The following SPATA13 variants were observed in gnomAD, a reference collection of about 807,000 sequenced individuals.
SPATA13 encodes spermatogenesis-associated protein 13.
In SPATA13, 50 loss-of-function variants were observed where a neutral mutation model predicts 104.0. That is an observed-to-expected ratio of 0.48 (90% confidence interval 0.38 to 0.61). SPATA13 has a LOEUF of 0.61. SPATA13 is among the 20% of genes least tolerant of loss of function. The probability of loss-of-function intolerance (pLI) is 0.00; values close to 1 mark genes in which losing one functional copy is unlikely to be tolerated. For synonymous variants in SPATA13, 606 were observed against 667.5 expected, an observed-to-expected ratio of 0.91 and a Z score of 1.42; for missense variants, 1,524 against 1,690.6, an observed-to-expected ratio of 0.90 and a Z score of 1.73.
intron 2 of SPATA13, among the ~76,000 whole-genome samples, chr13:23,988,418 C>T (rs994142324): frequency 6.6e-6 from 1 of 152,126 alleles, no homozygotes; most frequent in Non-Finnish European, 1.5e-5. Context: ...ATTACATAAA[C>T]CAGTTCTCTG....
intron 3 of SPATA13, among the ~76,000 whole-genome samples, chr13:24,079,521 G>A (rs548694190): frequency 1.3e-5 from 2 of 152,288 alleles, no homozygotes; most frequent in East Asian, 1.9e-4. Context: ...TGCTTTCAGA[G>A]TCTTGTCTAG....
chr13:24,258,290 T>A (rs1593469353), intron 4 of SPATA13, among the ~76,000 whole-genome samples: 1 of 128,098 alleles, frequency 7.8e-6, no homozygotes, highest in South Asian at 2.4e-4. Context: ...AGAAAGCAAG[T>A]AAAAAGTGTC....
At chr13:24,302,476 A>G in intron 12 of SPATA13, 122 bp from the exon 13 acceptor site, 1 of 456,206 alleles carries the variant, frequency 2.2e-6, no homozygotes, top group South Asian at 3.4e-5. Context: ...AAAAAAAAAA[A>G]AAAAAAAAAA....
In SPATA13 at chr13:24,017,721, C is replaced by G. The variant is rs148271271; in HGVS notation, c.-112+20C>G. 721 of 984,982 alleles carry G rather than the reference C, an allele frequency of 7.3e-4. 7 individuals are homozygous for G. The African/African-American group carries it at 0.012, about 16-fold the overall frequency. The allele number at this position is 984,982 out of a possible 1,614,324, so 61.0% of individuals were successfully genotyped here. A position where few individuals can be genotyped will look rare whatever the true frequency, so the allele number is the denominator to read the frequency against. ...AACTCGGTAAGAAGGGCCTCGAGTCCGTTCTTCCCTCTCCTTCCTCCTTCT... is the reference window on the plus strand; with the variant it reads ...AACTCGGTAAGAAGGGCCTCGAGTCGGTTCTTCCCTCTCCTTCCTCCTTCT... On this transcript the variant is annotated intron_variant, in intron 3 of 14. Transcript: ENST00000424834.
chr13:24,174,751 A>AT (rs1230167735), intron 1 of SPATA13, among the ~76,000 whole-genome samples: 1 of 151,774 alleles, frequency 6.6e-6, no homozygotes, highest in Non-Finnish European at 1.5e-5. Context: ...TAATATTTGA[A>AT]TTTTTTTAGT....
rs371321815 is a variant in SPATA13 at position 24,229,286 on chromosome 13, C to A, written c.1653+4704C>A. ...GAAAAAACTCTTAAATGATGACAAC[C>A]AATTGGACCCCTCTCCAGGGAGCTA... is the stretch of plus-strand genomic sequence containing the variant. On this transcript the variant is annotated intron_variant, in intron 2 of 12. Transcript: ENST00000382108. Among the ~76,000 whole-genome samples the A allele has an allele frequency of 3.0e-4, 46 of 152,262 alleles. No individual in the cohort carries two copies. The South Asian group carries it at 8.9e-3, about 30-fold the overall frequency.
At position 24,076,229 on chromosome 13, in the gene SPATA13, G is replaced by A. The variant is rs532684569; in HGVS notation, c.-112+58528G>A. On this transcript the variant is annotated intron_variant, in intron 3 of 14. Transcript: ENST00000424834. ...CTTTTATCATTTAAGAACTGCCACA[G>A]GTGCAGTTCTTAAAAGTTGATTATT... is the stretch of plus-strand genomic sequence containing the variant. Among the ~76,000 whole-genome samples, 5 of 152,236 alleles carry A rather than the reference G, an allele frequency of 3.3e-5. No individual in the cohort carries two copies. In the East Asian group the frequency reaches 9.7e-4, roughly 29 times the overall value.
At chr13:24,079,497 A>G (rs1457586293) in intron 3 of SPATA13, among the ~76,000 whole-genome samples, 1 of 152,102 alleles carries the variant, frequency 6.6e-6, no homozygotes, top group Non-Finnish European at 1.5e-5. Context: ...TTTCCCTGCT[A>G]CCTGGTTGCA....
At chr13:24,012,370 A>G (rs1876509522) in intron 2 of SPATA13, among the ~76,000 whole-genome samples, 1 of 152,238 alleles carries the variant, frequency 6.6e-6, no homozygotes, top group South Asian at 2.1e-4. Context: ...GCAGGGGGAC[A>G]TCACCAGCAG....
At chr13:24,061,252 G>A (rs1294659159) in intron 3 of SPATA13, among the ~76,000 whole-genome samples, 2 of 152,138 alleles carry the variant, frequency 1.3e-5, no homozygotes, top group Non-Finnish European at 2.9e-5. Flanking sequence ...GAGAAAAAAT[G>A]CTTATATACT....
chr13:24,289,041 G>A lies in SPATA13; in HGVS notation c.2710G>A (p.Val904Ile), dbSNP rs145716754. The change falls in exon 8 of 13, where the codon GTT becomes ATT. Residue 904 changes from valine to isoleucine, a missense_variant. By Grantham distance (29) the Val-to-Ile change is conservative (BLOSUM62 3). Transcript: ENST00000382108. ...CCGCAAGCACACAGGAATGTTCACC[G>A]TTGCGCAGCTAGCCACTATTTTTGG... ...QCRKHTGMFTVAQLATIFGNI... is the reference protein window; with the variant it reads ...QCRKHTGMFTIAQLATIFGNI... 1.3e-3 allele frequency: 2,131 copies of A among 1,613,678 alleles called. 4 individuals carry two copies. The highest frequency in any genetic ancestry group is 1.5e-3 in the Non-Finnish European group (1,821 of 1,179,936).
At chr13:24,287,004 G>A in intron 7 of SPATA13, 54 bp downstream of exon 7, 1 of 1,530,842 alleles carries the variant, frequency 6.5e-7, no homozygotes. Flanking sequence ...GCTGCATGAG[G>A]TGCCTGGGCT....
chr13:24,207,349 C>T lies in SPATA13; in HGVS notation c.-111-15470C>T, dbSNP rs530658556. Among the ~76,000 whole-genome samples the T allele has an allele frequency of 1.4e-4, 22 of 152,320 alleles. No homozygotes were observed. In the South Asian group the frequency reaches 4.4e-3, roughly 30 times the overall value. ...CGTTTACCTAGGTAACAAATCTGCA[C>T]ATCCCGCACATGTACCCCTGAACTT... On this transcript the variant is annotated intron_variant, in intron 1 of 12. Coordinates refer to ENST00000382108, the MANE Select transcript of SPATA13 (RefSeq NM_001166271.3).
chr13:24,286,855 C>T lies in SPATA13; in HGVS notation c.2572C>T (p.His858Tyr), dbSNP rs145196203. ...GGAGGCCAGCCAGAGCCGCCACAGA[C>T]ACTGTGAGAACAAGCAGCAGATGCG... ...DEEASQSRHRHCENKQQMRTN... is the reference protein window; with the variant it reads ...DEEASQSRHRYCENKQQMRTN... Residue 858 changes from histidine (H) to tyrosine (Y), a missense_variant, in exon 7 of 13, where the codon CAC becomes TAC. His to Tyr is a moderately conservative substitution (Grantham distance 83). Coordinates refer to ENST00000382108, the MANE Select transcript of SPATA13 (RefSeq NM_001166271.3). The surrounding 1 kb of genome is among the most constrained non-coding windows in gnomAD (Gnocchi z 4.9). 5.0e-6 allele frequency: 8 copies of T among 1,613,878 alleles called. No individual in the cohort carries two copies. Among genetic ancestry groups the T allele is most frequent in the Non-Finnish European group, 5.9e-6 (7 of 1,180,008 alleles).
At chr13:24,272,314 A>G (rs1874670170) in intron 4 of SPATA13, among the ~76,000 whole-genome samples, 1 of 152,214 alleles carries the variant, frequency 6.6e-6, no homozygotes. Flanking sequence ...ACAGCATGCC[A>G]GAATCTGCCC....
At chr13:24,036,270 C>T (rs868376024) in intron 3 of SPATA13, among the ~76,000 whole-genome samples, 1 of 152,156 alleles carries the variant, frequency 6.6e-6, no homozygotes, top group Non-Finnish European at 1.5e-5. Context: ...TGCAAATCTC[C>T]CTGGCGTCAG....
At chr13:24,044,574 G>A (rs1163496977) in intron 3 of SPATA13, among the ~76,000 whole-genome samples, 1 of 152,100 alleles carries the variant, frequency 6.6e-6, no homozygotes, top group Admixed American at 6.5e-5. Flanking sequence ...AACGTACAGG[G>A]TACAGTGTGA....
Position 24,223,084 on chromosome 13 carries a change from G to A in SPATA13, c.155G>A (p.Cys52Tyr). 6.4e-7 allele frequency: 1 copy of A among 1,551,708 alleles called. No individual in the cohort carries two copies. The highest frequency in any genetic ancestry group is 1.2e-5 in the South Asian group (1 of 84,066). The change falls in exon 2 of 13, where the codon TGT (cysteine) becomes TAT (tyrosine). Residue 52 changes from cysteine to tyrosine, a missense_variant. Coordinates refer to ENST00000382108, the MANE Select transcript of SPATA13 (RefSeq NM_001166271.3). ...TCCCTTGCGTGTGGAAATGGAGTCTGTGGCTGCAGCCCTGGTGGCGACACG... is the reference window on the plus strand; with the variant it reads ...TCCCTTGCGTGTGGAAATGGAGTCTATGGCTGCAGCCCTGGTGGCGACACG... Reference protein sequence around the residue: ...VTSLACGNGVCGCSPGGDTDT... With the variant: ...VTSLACGNGVYGCSPGGDTDT...
chr13:24,160,732 G>A lies in SPATA13; in HGVS notation c.-312G>A. The A allele has an allele frequency of 3.0e-6, 3 of 985,710 alleles. No individual in the cohort carries two copies. The highest frequency in any genetic ancestry group is 3.6e-6 in the Non-Finnish European group (3 of 830,224). The allele number at this position is 985,710 out of a possible 1,614,324, so 61.1% of individuals were successfully genotyped here. A position where few individuals can be genotyped will look rare whatever the true frequency, so the allele number is the denominator to read the frequency against. On this transcript the variant is annotated 5_prime_UTR_variant, in exon 1 of 13. Coordinates refer to ENST00000382108, the MANE Select transcript of SPATA13 (RefSeq NM_001166271.3). ...GCGTGGCTTGGCTGAGTGTGCTGCC[G>A]CGGCGCGGGAGGAGAGTGTGCGTTG... is the stretch of plus-strand genomic sequence containing the variant.
Sources: gnomAD v4.1 joint callset for allele counts (sites outside exome capture counted in the v4.1 genomes callset) on GRCh38, gnomAD v4.1.1 for gene constraint, Gnocchi (gnomAD v3.1) non-coding constraint, MANE v1.5 for transcripts, NCBI Gene and HGNC (gene_info 2026-07-23, HGNC 2026-07-21) for gene names.